Variants in TENM2 observed in about 807,000 individuals in gnomAD.
TENM2 encodes teneurin transmembrane protein 2.
In TENM2, 52 loss-of-function variants were observed where a neutral mutation model predicts 245.2. The observed-to-expected ratio is 0.21, with a 90% CI of 0.17 to 0.27. The LOEUF (loss-of-function observed/expected upper bound fraction) is 0.27. TENM2 is among the 10% of genes least tolerant of loss of function. The pLI is 1.00. For synonymous variants in TENM2, 1,363 were observed against 1,438.9 expected (o/e 0.95, Z 1.19); for missense variants, 3,046 against 3,666.8 (o/e 0.83, Z 4.37).
chr5:167,109,626 C>T, the TENM2 span, among the ~76,000 whole-genome samples: 1 of 152,112 alleles, frequency 6.6e-6, no homozygotes. Flanking sequence ...CAACTCACTT[C>T]TCACGTTCAT....
the TENM2 span, among the ~76,000 whole-genome samples, chr5:167,114,588 T>A: frequency 5.3e-5 from 8 of 152,240 alleles, no homozygotes; most frequent in African/African-American, 1.9e-4. Flanking sequence ...ATGAAAAAAG[T>A]ACTCATTAAA....
chr5:167,880,539 GA>G (rs56351032), intron 3 of TENM2, among the ~76,000 whole-genome samples: 60,870 of 151,904 alleles, frequency 0.4, 14,707 homozygotes, highest in Non-Finnish European at 0.54. Context: ...TACCCCATGA[GA>G]TAAAAGCAAA....
chr5:167,713,653 C>T (rs1277799530), intron 2 of TENM2, among the ~76,000 whole-genome samples: 1 of 152,178 alleles, frequency 6.6e-6, no homozygotes, highest in East Asian at 1.9e-4. Context: ...CAAGCACAGG[C>T]ATACATGCAT....
rs1268486049 is a variant in TENM2 at position 168,238,184 on chromosome 5, AGGGAGGGAGG to A, written c.5521-6234_5521-6225del. On this transcript the variant is annotated intron_variant, in intron 25 of 28. Transcript: ENST00000518659. The stretch of plus-strand genomic sequence containing the variant: ...GAGAGAGAGAGAGAGAGAGAGAGAG[AGGGAGGGAGG>A]GAGGGAGGGAGGGAGGGAGGGAGAG... Among the ~76,000 whole-genome samples, 264 of 33,884 alleles carry A rather than the reference AGGGAGGGAGG, an allele frequency of 7.8e-3. 48 individuals carry two copies. Among genetic ancestry groups the A allele is most frequent in the African/African-American group, 0.068 (246 of 3,616 alleles). The allele number at this position is 33,884 out of a possible 152,430, so 22.2% of individuals were successfully genotyped here.
intron 2 of TENM2, among the ~76,000 whole-genome samples, chr5:167,534,138 C>G (rs938060580): frequency 6.6e-6 from 1 of 152,036 alleles, no homozygotes; most frequent in South Asian, 2.1e-4. Flanking sequence ...TTGATAAAAC[C>G]CAAAACAGTT....
At chr5:167,798,445 T>C (rs1978497) in intron 2 of TENM2, among the ~76,000 whole-genome samples, 4 of 152,094 alleles carry the variant, frequency 2.6e-5, no homozygotes, top group African/African-American at 9.7e-5. Flanking sequence ...AACCTCCAAC[T>C]ATGTAGAGGT....
At chr5:166,986,188 A>G in the TENM2 span, among the ~76,000 whole-genome samples, 19 of 152,290 alleles carry the variant, frequency 1.2e-4, no homozygotes, top group African/African-American at 4.6e-4. Context: ...TGAGCAATGC[A>G]AAGTCCAAGA....
chr5:168,238,246 AAAGAAAAGAAAAG>A (rs1241790310), intron 25 of TENM2, among the ~76,000 whole-genome samples: 3 of 143,516 alleles, frequency 2.1e-5, no homozygotes, highest in African/African-American at 7.9e-5. Context: ...AAAGAAAAGA[AAAGAAAAGAAAAG>A]AAAAGAAAAG....
At chr5:167,158,678 G>A in the TENM2 span, among the ~76,000 whole-genome samples, 1 of 152,068 alleles carries the variant, frequency 6.6e-6, no homozygotes, top group Non-Finnish European at 1.5e-5. Flanking sequence ...GCACATGTAA[G>A]CTCTCCTGTC....
intron 2 of TENM2, among the ~76,000 whole-genome samples, chr5:167,406,228 G>A (rs1258119418): frequency 6.6e-6 from 1 of 152,152 alleles, no homozygotes; most frequent in South Asian, 2.1e-4. Flanking sequence ...CACCTTGTCA[G>A]TTCTCATCCG....
At chr5:168,062,141 G>A in exon 7 of TENM2, 2 of 1,613,446 alleles carry the variant, frequency 1.2e-6, no homozygotes, top group South Asian at 1.1e-5. Context: ...GTCCCACCAG[G>A]GGTGTTTTGG....
the TENM2 span, among the ~76,000 whole-genome samples, chr5:167,225,559 A>G: frequency 2.0e-5 from 3 of 151,946 alleles, no homozygotes; most frequent in African/African-American, 7.2e-5. Context: ...TATTGGATTC[A>G]GTTTGCTAAT....
chr5:167,690,031 G>A (rs1219931825), intron 2 of TENM2, among the ~76,000 whole-genome samples: 2 of 151,276 alleles, frequency 1.3e-5, no homozygotes, highest in African/African-American at 2.4e-5. Context: ...CATGACCCGG[G>A]AACTTCACCT....
chr5:167,973,920 A>G (rs1366094534), intron 4 of TENM2, among the ~76,000 whole-genome samples: 2 of 150,366 alleles, frequency 1.3e-5, no homozygotes, highest in African/African-American at 2.4e-5. Context: ...AAGAGGTGGA[A>G]AGGGAGGATA....
At chr5:167,967,683 A>G (rs1413361226) in intron 4 of TENM2, among the ~76,000 whole-genome samples, 2 of 152,310 alleles carry the variant, frequency 1.3e-5, no homozygotes, top group East Asian at 3.9e-4. Context: ...CCCAATTACA[A>G]ATTGAGACCA....
intron 2 of TENM2, among the ~76,000 whole-genome samples, chr5:167,626,866 G>A (rs1778542892): frequency 1.3e-5 from 2 of 152,120 alleles, no homozygotes; most frequent in South Asian, 2.1e-4. Context: ...CATCCCCAAA[G>A]GCAGTAACAC....
chr5:168,170,213 G>T (rs1270623970), intron 13 of TENM2, among the ~76,000 whole-genome samples: 1 of 152,142 alleles, frequency 6.6e-6, no homozygotes, highest in Non-Finnish European at 1.5e-5. Context: ...TTAGAAAAAA[G>T]ATAGAACCAG....
chr5:168,260,179 C>T lies in TENM2; in HGVS notation c.7433-104C>T, dbSNP rs375811850. The T allele has an allele frequency of 1.4e-5, 17 of 1,259,004 alleles. No individual in the cohort carries two copies. In the African/African-American group the frequency reaches 1.6e-4, roughly 12 times the overall value. 78.0% of individuals were successfully genotyped at this position (1,259,004 alleles called of 1,614,324 possible). On this transcript the variant is annotated intron_variant, in intron 27 of 28. Coordinates refer to ENST00000518659, the Ensembl canonical transcript of TENM2. Reference sequence around the variant, plus strand: ...AAGCTCTTCCTCCCTCCCCTTTGGGCCCTACACCCAACCACCCATTTTATT... The same window carrying T: ...AAGCTCTTCCTCCCTCCCCTTTGGGTCCTACACCCAACCACCCATTTTATT...
the TENM2 span, among the ~76,000 whole-genome samples, chr5:167,050,366 T>G: frequency 6.6e-6 from 1 of 152,014 alleles, no homozygotes; most frequent in Non-Finnish European, 1.5e-5. Context: ...TGCCTCATGA[T>G]CCGAGGTGGA....
Sources: allele counts gnomAD v4.1 joint callset (sites outside exome capture counted in the v4.1 genomes callset), GRCh38; gene constraint gnomAD v4.1.1; transcripts MANE v1.5; gene names NCBI Gene and HGNC (gene_info 2026-07-23, HGNC 2026-07-21).